DNAH8: variants seen among roughly 807,000 people sequenced by gnomAD.
The protein encoded by DNAH8 is dynein axonemal heavy chain 8.
A neutral mutation model predicts 562.1 loss-of-function variants in DNAH8; 382 were observed. The observed-to-expected ratio is 0.68, with a 90% CI of 0.63 to 0.74. The LOEUF is 0.74. DNAH8 is among the 30% of genes least tolerant of loss of function. The pLI is 0.00. For synonymous variants in DNAH8, 1,881 were observed against 1,919.4 expected, an observed-to-expected ratio of 0.98 and a Z score of 0.52; for missense variants, 5,203 against 5,620.4, an observed-to-expected ratio of 0.93 and a Z score of 2.37.
rs529654694 is a variant in DNAH8 at position 38,715,872 on chromosome 6, TA to T, written c.-35+464del. Among the ~76,000 whole-genome samples the T allele has an allele frequency of 4.9e-5, 5 of 101,282 alleles. 1 individual carries two copies. Among genetic ancestry groups the T allele is most frequent in the South Asian group, 3.0e-4 (1 of 3,386 alleles). 66.4% of individuals were successfully genotyped at this position (101,282 alleles called of 152,430 possible). On this transcript the variant is annotated intron_variant, in intron 1 of 92. Coordinates refer to ENST00000327475, the MANE Select transcript of DNAH8 (RefSeq NM_001206927.2). Reference sequence around the variant, plus strand: ...TTCACCACTATCCAATGCATCCATGTAAAAAAACCACCTGTACCCGAAAAGC... The same window carrying T: ...TTCACCACTATCCAATGCATCCATGTAAAAAACCACCTGTACCCGAAAAGC...
At chr6:38,730,351 T>A (rs1341769910) in intron 4 of DNAH8, among the ~76,000 whole-genome samples, 1 of 152,236 alleles carries the variant, frequency 6.6e-6, no homozygotes, top group African/African-American at 2.4e-5. Flanking sequence ...TGGTCCTATC[T>A]CAGCATCTTG....
chr6:38,796,950 T>C (rs1190715935), intron 21 of DNAH8, among the ~76,000 whole-genome samples: 2 of 152,200 alleles, frequency 1.3e-5, no homozygotes, highest in African/African-American at 4.8e-5. Context: ...TTTGTTACAA[T>C]AGCTGGTGTG....
Position 39,030,287 on chromosome 6 carries a change from C to G in DNAH8, c.14019C>G (p.Pro4673=), listed in dbSNP as rs142478578. 5.3e-5 allele frequency: 86 copies of G among 1,614,158 alleles called. No homozygotes were observed. In the African/African-American group the frequency reaches 1.0e-3, roughly 20 times the overall value. The change falls in exon 93 of 93, where the codon CCC becomes CCG. Residue 4673 remains proline (P), a synonymous_variant. Coordinates refer to ENST00000327475, the MANE Select transcript of DNAH8 (RefSeq NM_001206927.2). ...KLYVCPIYKK[P]RRTDLTFITV... is the part of the protein sequence containing the mutation. ...ATGTGTGTCCTATTTACAAGAAACC[C>G]AGGCGAACTGATTTGACCTTCATCA...
intron 77 of DNAH8, among the ~76,000 whole-genome samples, chr6:38,937,353 A>AT (rs1291886317): frequency 8.3e-6 from 1 of 120,754 alleles, no homozygotes; most frequent in Non-Finnish European, 2.1e-5. Flanking sequence ...TTAAAGTATA[A>AT]TAAAAAAAAA....
intron 59 of DNAH8, among the ~76,000 whole-genome samples, chr6:38,895,766 C>T (rs1030200007): frequency 2.0e-5 from 3 of 152,222 alleles, no homozygotes; most frequent in Admixed American, 1.3e-4. Context: ...CGTCCACTAC[C>T]GACCATCACT....
chr6:38,762,237 T>C (rs1766593057), intron 11 of DNAH8, among the ~76,000 whole-genome samples: 1 of 152,222 alleles, frequency 6.6e-6, no homozygotes, highest in Non-Finnish European at 1.5e-5. Flanking sequence ...TTTAAATATA[T>C]CTTTGATCAG....
intron 41 of DNAH8, among the ~76,000 whole-genome samples, chr6:38,854,490 A>G (rs958788431): frequency 7.9e-5 from 12 of 152,228 alleles, no homozygotes; most frequent in African/African-American, 2.2e-4. Flanking sequence ...TTCAAACCAC[A>G]GAAGGACAGA....
chr6:38,866,812 A>ATGT lies in DNAH8; in HGVS notation c.6631_6633dup (p.Val2211dup). ...CTTGCAAGCTGTGGTTTTCTTGAAA[A>ATGT]TGTTATCTTGGCTCAAAAATTTTAC... On this transcript the variant is annotated inframe_insertion, in exon 47 of 93. Transcript: ENST00000327475. 1 of 1,613,592 alleles carries ATGT rather than the reference A, an allele frequency of 6.2e-7. No individual in the cohort carries two copies. The highest frequency in any genetic ancestry group is 8.5e-7 in the Non-Finnish European group (1 of 1,179,772).
At chr6:38,843,144 C>T (rs1774967374) in intron 35 of DNAH8, among the ~76,000 whole-genome samples, 2 of 152,014 alleles carry the variant, frequency 1.3e-5, no homozygotes, top group African/African-American at 4.8e-5. Flanking sequence ...CCCTTCAATA[C>T]ATCTTCCTTG....
chr6:39,021,961 G>T (rs1176179439), intron 91 of DNAH8, among the ~76,000 whole-genome samples: 1 of 152,200 alleles, frequency 6.6e-6, no homozygotes, highest in Non-Finnish European at 1.5e-5. Context: ...TAAGCCAGCT[G>T]ATTGCACAAG....
intron 21 of DNAH8, among the ~76,000 whole-genome samples, chr6:38,792,170 C>T (rs1344479235): frequency 6.6e-6 from 1 of 152,156 alleles, no homozygotes; most frequent in East Asian, 1.9e-4. Flanking sequence ...TCACTGCAAC[C>T]TCTGCCTCCC....
chr6:38,741,628 C>A, intron 7 of DNAH8, 83 bp from the exon 8 acceptor site: 1 of 1,178,702 alleles, frequency 8.5e-7, no homozygotes, highest in Non-Finnish European at 1.2e-6. Context: ...TTTATACTTT[C>A]AGCTGCCTTC....
At chr6:38,766,050 T>G (rs186267426) in intron 11 of DNAH8, among the ~76,000 whole-genome samples, 1 of 152,222 alleles carries the variant, frequency 6.6e-6, no homozygotes, top group East Asian at 1.9e-4. Context: ...ATAGCCAAGA[T>G]GTGGAAACAA....
At chr6:38,872,883 T>C in intron 50 of DNAH8, 23 bp from the exon 51 acceptor site, 2 of 1,609,314 alleles carry the variant, frequency 1.2e-6, no homozygotes, top group Non-Finnish European at 1.7e-6. Flanking sequence ...TGAAAAGTGA[T>C]TTTCTGTTTT....
intron 52 of DNAH8, among the ~76,000 whole-genome samples, chr6:38,874,302 TCCC>T (rs1323092855): frequency 1.8e-5 from 1 of 54,160 alleles, no homozygotes; most frequent in East Asian, 7.0e-4. Context: ...TCCCCTCCCC[TCCC>T]CTCCCCTTCC....
At chr6:38,969,239 A>G (rs1425901975) in intron 82 of DNAH8, among the ~76,000 whole-genome samples, 4 of 152,200 alleles carry the variant, frequency 2.6e-5, no homozygotes, top group East Asian at 1.9e-4. Context: ...ATATTAAAGT[A>G]TACACTTTAT....
chr6:38,776,304 A>G (rs1768070511), intron 13 of DNAH8, among the ~76,000 whole-genome samples: 1 of 148,582 alleles, frequency 6.7e-6, no homozygotes, highest in South Asian at 2.1e-4. Flanking sequence ...TGCAACCTCC[A>G]CCTCCCGAGT....
chr6:38,783,968 T>C (rs12526788), intron 17 of DNAH8, among the ~76,000 whole-genome samples: 19,370 of 152,106 alleles, frequency 0.13, 1,454 homozygotes, highest in Admixed American at 0.22. Flanking sequence ...GGAACGGTGG[T>C]GAGAGGAGTC....
chr6:38,941,861 T>C (rs1312414572), intron 79 of DNAH8, among the ~76,000 whole-genome samples: 1 of 152,092 alleles, frequency 6.6e-6, no homozygotes, highest in Non-Finnish European at 1.5e-5. Context: ...GGTCTGAATG[T>C]TTGTGTCCCC....
Sources: gnomAD v4.1 joint callset for allele counts (sites outside exome capture counted in the v4.1 genomes callset) on GRCh38, gnomAD v4.1.1 for gene constraint, MANE v1.5 for transcripts, NCBI Gene and HGNC (gene_info 2026-07-23, HGNC 2026-07-21) for gene names.